Variants in RYR2 observed in about 807,000 individuals in gnomAD.
RYR2 encodes ryanodine receptor 2.
RYR2 carries 227 observed loss-of-function variants against 601.1 expected under a neutral mutation model. The ratio of observed to expected loss-of-function variants is 0.38; its 90% CI spans 0.34 to 0.42. The LOEUF (loss-of-function observed/expected upper bound fraction) is 0.42. Ranked by LOEUF, RYR2 falls within the 10% of genes least tolerant of loss-of-function variation. The pLI is 1.00. For missense variants in RYR2, 4,646 were observed against 6,156.5 expected (o/e 0.75, Z 8.21); for synonymous variants, 2,223 against 2,175.1 (o/e 1.02, Z -0.61).
intron 91 of RYR2, among the ~76,000 whole-genome samples, chr1:237,787,549 G>T (rs904356774): frequency 7.2e-6 from 1 of 138,402 alleles, no homozygotes; most frequent in African/African-American, 2.8e-5. Flanking sequence ...CTGAGATGGC[G>T]CCCCTGCATT....
intron 10 of RYR2, among the ~76,000 whole-genome samples, chr1:237,390,758 T>G (rs1334122180): frequency 1.3e-5 from 2 of 152,150 alleles, no homozygotes; most frequent in Non-Finnish European, 1.5e-5. Context: ...TTTGCATATA[T>G]GTTGAAGCCT....
intron 10 of RYR2, among the ~76,000 whole-genome samples, chr1:237,393,677 A>T (rs1702576818): frequency 6.6e-6 from 1 of 152,224 alleles, no homozygotes; most frequent in South Asian, 2.1e-4. Flanking sequence ...GAGTTAGATG[A>T]GTTAGCTAAA....
At chr1:237,203,402 T>C (rs1191038656) in intron 1 of RYR2, among the ~76,000 whole-genome samples, 3 of 152,188 alleles carry the variant, frequency 2.0e-5, no homozygotes, top group Non-Finnish European at 2.9e-5. Flanking sequence ...GTAGAGGAAA[T>C]GAGTATTTTC....
intron 1 of RYR2, among the ~76,000 whole-genome samples, chr1:237,259,842 A>G (rs2149307108): frequency 6.6e-6 from 1 of 152,334 alleles, no homozygotes; most frequent in Non-Finnish European, 1.5e-5. Flanking sequence ...CGGTAGTTCA[A>G]ATGCAATCAT....
Position 237,589,680 on chromosome 1 carries a change from C to T in RYR2, c.3599-113C>T, listed in dbSNP as rs1674930706. The T allele has an allele frequency of 5.4e-6, 5 of 924,258 alleles. No homozygotes were observed. The East Asian group carries it at 1.3e-4, about 24-fold the overall frequency. 57.3% of individuals were successfully genotyped at this position (924,258 alleles called of 1,614,324 possible). A position where few individuals can be genotyped will look rare whatever the true frequency, so the allele number is the denominator to read the frequency against. ...CCCTTTATTACACTACTTTTTTCAC[C>T]CTAGGGTGACAGCTCTCACAAAGTT... is the stretch of plus-strand genomic sequence containing the variant. On this transcript the variant is annotated intron_variant, in intron 29 of 104. Transcript: ENST00000366574.
At position 237,106,540 on chromosome 1, in the gene RYR2, T is replaced by C. The variant is rs745311596; in HGVS notation, c.48+63971T>C. 1.3e-5 allele frequency among the ~76,000 whole-genome samples: 2 copies of C among 151,940 alleles called. No individual in the cohort carries two copies. Among genetic ancestry groups the C allele is most frequent in the Non-Finnish European group, 2.9e-5 (2 of 67,940 alleles). ...GATCAAGAGTTTCATTCTGGAAATG[T>C]GGGGGTTTTCGCTGTCTGTCAGAGA... On this transcript the variant is annotated intron_variant, in intron 1 of 104. Transcript: ENST00000366574. This position sits in a 1 kb window ranked among gnomAD's most constrained non-coding sequence, Gnocchi z 4.4.
intron 1 of RYR2, among the ~76,000 whole-genome samples, chr1:237,198,795 A>G (rs1044668654): frequency 1.3e-5 from 2 of 152,086 alleles, no homozygotes; most frequent in South Asian, 2.1e-4. Flanking sequence ...AAGGATTCAG[A>G]AAATCACTGT....
At chr1:237,408,407 A>ATATATATATATATATATATAT (rs56317247) in intron 10 of RYR2, among the ~76,000 whole-genome samples, 5,142 of 132,118 alleles carry the variant, frequency 0.039, 417 homozygotes, top group African/African-American at 0.082. Flanking sequence ...TATATATATA[A>ATATATATATATATATATATAT]ATGGATATCC....
At chr1:237,774,279 C>T (rs144257062) in intron 87 of RYR2, among the ~76,000 whole-genome samples, 1,619 of 152,124 alleles carry the variant, frequency 0.011, 18 homozygotes, top group Middle Eastern at 0.02. Flanking sequence ...CTATGTTTGA[C>T]GTGCCCCATG....
intron 2 of RYR2, among the ~76,000 whole-genome samples, chr1:237,274,614 T>C (rs901300108): frequency 7.9e-5 from 12 of 152,168 alleles, no homozygotes; most frequent in African/African-American, 2.9e-4. Context: ...ATAAATTTAG[T>C]GCAGCCTAAG....
At chr1:237,337,746 ATAAC>A (rs753103908) in intron 3 of RYR2, among the ~76,000 whole-genome samples, 1 of 152,194 alleles carries the variant, frequency 6.6e-6, no homozygotes, top group Non-Finnish European at 1.5e-5. Context: ...TCTGAAGAAA[ATAAC>A]TATAATCTCT....
intron 63 of RYR2, among the ~76,000 whole-genome samples, chr1:237,691,093 C>T (rs923828905): frequency 6.6e-6 from 1 of 152,148 alleles, no homozygotes; most frequent in African/African-American, 2.4e-5. Flanking sequence ...TGAGCCACCA[C>T]GCCCGGCCAA....
At chr1:237,051,196 T>TCCCTC (rs1288621962) in intron 1 of RYR2, among the ~76,000 whole-genome samples, 1 of 111,848 alleles carries the variant, frequency 8.9e-6, no homozygotes, top group African/African-American at 3.5e-5. Context: ...CCTTTTCCCT[T>TCCCTC]CCCTCCCTTT....
At chr1:237,085,036 A>T (rs1346342119) in intron 1 of RYR2, among the ~76,000 whole-genome samples, 1 of 152,194 alleles carries the variant, frequency 6.6e-6, no homozygotes, top group Non-Finnish European at 1.5e-5. Context: ...AGGTTATTTC[A>T]TTGAGTTATC....
intron 10 of RYR2, among the ~76,000 whole-genome samples, chr1:237,395,259 A>G (rs1007218757): frequency 6.6e-6 from 1 of 152,236 alleles, no homozygotes; most frequent in African/African-American, 2.4e-5. Context: ...TTACCATTCA[A>G]CCATGTGAGA....
intron 1 of RYR2, among the ~76,000 whole-genome samples, chr1:237,149,498 A>G (rs1036717998): frequency 2.6e-5 from 4 of 152,208 alleles, no homozygotes; most frequent in Non-Finnish European, 4.4e-5. Context: ...CATAAACACA[A>G]TAAAATAATG....
Position 237,467,751 on chromosome 1 carries a change from T to C in RYR2, c.1613-1341T>C, listed in dbSNP as rs368405998. ...GACATCTTTAAGTTTAATTGTACACTGTAACTGTAGGGTCTCTTCCCTCCT... is the reference window on the plus strand; with the variant it reads ...GACATCTTTAAGTTTAATTGTACACCGTAACTGTAGGGTCTCTTCCCTCCT... On this transcript the variant is annotated intron_variant, in intron 16 of 104. Coordinates refer to ENST00000366574, the MANE Select transcript of RYR2 (RefSeq NM_001035.3). Among the ~76,000 whole-genome samples, 3 of 152,280 alleles carry C rather than the reference T, an allele frequency of 2.0e-5. No homozygotes were observed. The East Asian group carries it at 5.8e-4, about 29-fold the overall frequency.
chr1:237,365,147 C>A (rs1021453901), intron 5 of RYR2, among the ~76,000 whole-genome samples: 2 of 151,598 alleles, frequency 1.3e-5, no homozygotes, highest in South Asian at 2.1e-4. Context: ...ATCTTAAAAG[C>A]CAAGAAACAA....
chr1:237,742,254 A>G (rs1691672861), intron 79 of RYR2, 42 bp from the exon 80 acceptor site: 1 of 1,342,114 alleles, frequency 7.5e-7, no homozygotes, highest in African/African-American at 1.5e-5. Flanking sequence ...CTAAAATCTC[A>G]ACATATTCCT....
Sources: gnomAD v4.1 joint callset for allele counts (sites outside exome capture counted in the v4.1 genomes callset) on GRCh38, gnomAD v4.1.1 for gene constraint, Gnocchi (gnomAD v3.1) non-coding constraint, MANE v1.5 for transcripts, NCBI Gene and HGNC (gene_info 2026-07-23, HGNC 2026-07-21) for gene names.